Variants in TMED5 observed in about 807,000 individuals in gnomAD.
TMED5 encodes the protein transmembrane p24 trafficking protein 5, also known as transmembrane emp24 domain-containing protein 5.
A neutral mutation model predicts 23.0 loss-of-function variants in TMED5; 27 were observed. That is an observed-to-expected ratio of 1.17 (90% CI 0.86 to 1.62). TMED5 has a LOEUF of 1.62. Among genes scored for constraint, TMED5 ranks in the 40% most tolerant of loss-of-function variants. The probability of loss-of-function intolerance (pLI) is 0.00; values close to 1 mark genes in which losing one functional copy is unlikely to be tolerated. For missense variants in TMED5, 248 were observed against 273.7 expected (o/e 0.91, Z 0.66); for synonymous variants, 97 against 100.8 (o/e 0.96, Z 0.23).
At chr1:93,160,051 T>C (rs2101133251) in intron 2 of TMED5, 78 bp downstream of exon 2, 1 of 785,070 alleles carries the variant, frequency 1.3e-6, no homozygotes, top group Non-Finnish European at 2.2e-6. Flanking sequence ...TAGTATCAAA[T>C]GTGCTAACTT....
At chr1:93,170,002 A>G (rs532371197) in intron 1 of TMED5, among the ~76,000 whole-genome samples, 196 of 152,198 alleles carry the variant, frequency 1.3e-3, no homozygotes, top group Non-Finnish European at 2.0e-3. Context: ...CAGAAGTTCA[A>G]GGCTGCTGTG....
Position 93,160,167 on chromosome 1 carries a change from G to A in TMED5, c.249C>T (p.Thr83=), listed in dbSNP as rs776669823. The A allele has an allele frequency of 4.3e-5, 69 of 1,613,052 alleles. No homozygotes were observed. The highest frequency in any genetic ancestry group is 2.7e-5 in the African/African-American group (2 of 74,868). Residue 83 remains threonine, a synonymous_variant, in exon 2 of 4, where the codon ACC becomes ACT. Coordinates refer to ENST00000370282, the MANE Select transcript of TMED5 (RefSeq NM_016040.5). ...CTGATTTTCTTTGTTCAAAAACTAA[G>A]GTTTTGCCTTCTGGAGAGGCAAGAT... ...DFHLASPEGK[T]LVFEQRKSDG...
intron 2 of TMED5, among the ~76,000 whole-genome samples, chr1:93,159,251 A>G (rs78978944): frequency 1.4e-3 from 219 of 152,296 alleles, no homozygotes; most frequent in African/African-American, 5.1e-3. Flanking sequence ...TCCACCCTGC[A>G]TGTGTATCCC....
intron 1 of TMED5, among the ~76,000 whole-genome samples, chr1:93,176,744 T>C (rs1002289118): frequency 2.6e-5 from 4 of 152,188 alleles, no homozygotes; most frequent in Non-Finnish European, 5.9e-5. Flanking sequence ...TTGTCCAGGC[T>C]GGTGTGAAAC....
intron 1 of TMED5, among the ~76,000 whole-genome samples, chr1:93,170,367 G>A (rs1432050838): frequency 6.6e-6 from 1 of 152,196 alleles, no homozygotes; most frequent in Non-Finnish European, 1.5e-5. Context: ...GGGAGCGGCC[G>A]GCCGGCCTGC....
Position 93,156,347 on chromosome 1 carries a change from A to G in TMED5, c.424T>C (p.Tyr142His). 6.2e-7 allele frequency: 1 copy of G among 1,613,942 alleles called. No homozygotes were observed. Among genetic ancestry groups the G allele is most frequent in the Non-Finnish European group, 8.5e-7 (1 of 1,179,912 alleles). Reference protein sequence around the residue: ...QAQEQEDWKKYITGTDILDMK... With the variant: ...QAQEQEDWKKHITGTDILDMK... ...TCCAATATATCTGTGCCAGTAATAT[A>G]TTTCTTCCAATCTTCTTGTTCTTGT... The change falls in exon 3 of 4, where the codon TAT becomes CAT. Residue 142 changes from tyrosine to histidine, a missense_variant. Physicochemically the swap from Tyr to His is moderately conservative, Grantham distance 83 (BLOSUM62 2). Coordinates refer to ENST00000370282, the MANE Select transcript of TMED5 (RefSeq NM_016040.5).
intron 1 of TMED5, among the ~76,000 whole-genome samples, chr1:93,169,649 T>G (rs1571280469): frequency 6.8e-6 from 1 of 146,106 alleles, no homozygotes; most frequent in Non-Finnish European, 1.5e-5. Flanking sequence ...TCAATAAAAC[T>G]AACAAACCTC....
In TMED5 at chr1:93,156,339, A is replaced by G; in HGVS notation, c.432T>C (p.Thr144=). The change falls in exon 3 of 4, where the codon ACT becomes ACC. Residue 144 remains threonine (T), a synonymous_variant. Coordinates refer to ENST00000370282, the MANE Select transcript of TMED5 (RefSeq NM_016040.5). ...QEQEDWKKYI[T]GTDILDMKLE... is the part of the protein sequence containing the mutation. ...GTTTCATATCCAATATATCTGTGCC[A>G]GTAATATATTTCTTCCAATCTTCTT... The G allele has an allele frequency of 6.2e-7, 1 of 1,613,940 alleles. No homozygotes were observed.
At chr1:93,175,108 AAATAT>A (rs1648859296) in intron 1 of TMED5, among the ~76,000 whole-genome samples, 1 of 145,118 alleles carries the variant, frequency 6.9e-6, no homozygotes, top group African/African-American at 2.6e-5. Context: ...TTAAATTATT[AAATAT>A]ATTATTCTCC....
chr1:93,164,865 TTGCTTTCATA>T (rs1648434528), intron 1 of TMED5, among the ~76,000 whole-genome samples: 1 of 152,224 alleles, frequency 6.6e-6, no homozygotes, highest in African/African-American at 2.4e-5. Flanking sequence ...TGATGGGATG[TTGCTTTCATA>T]ATCAGGTTAC....
chr1:93,173,734 C>T (rs548616646), intron 1 of TMED5, among the ~76,000 whole-genome samples: 42 of 152,208 alleles, frequency 2.8e-4, no homozygotes, highest in Non-Finnish European at 4.4e-4. Context: ...ATTCAGACTT[C>T]CAGTTATATG....
intron 1 of TMED5, chr1:93,161,091 A>C (rs1039253269): frequency 1.3e-5 from 2 of 152,180 alleles, no homozygotes; most frequent in African/African-American, 4.8e-5. Flanking sequence ...ATGTCCTTCT[A>C]TGAAGATGAT....
chr1:93,158,834 GGGATTATA>G, intron 2 of TMED5: 2 of 749,090 alleles, frequency 2.7e-6, no homozygotes, highest in Non-Finnish European at 3.3e-6. Context: ...GGAAAGTGCT[GGGATTATA>G]GGCGTGAACC....
At chr1:93,175,369 T>A (rs1464272351) in intron 1 of TMED5, among the ~76,000 whole-genome samples, 8 of 147,012 alleles carry the variant, frequency 5.4e-5, no homozygotes, top group East Asian at 1.9e-4. Flanking sequence ...TTTGTTTTTT[T>A]ATATACATAT....
rs148923682 is a variant in TMED5, at chr1:93,166,723, G to A, written c.190-6497C>T. On this transcript the variant is annotated intron_variant, in intron 1 of 3. Transcript: ENST00000370282. ...TCTCATTCTTGGGTTGGCTCTTCCCGTTGTTAACTGTTTCCTTTGCTGAGC... is the reference window on the plus strand; with the variant it reads ...TCTCATTCTTGGGTTGGCTCTTCCCATTGTTAACTGTTTCCTTTGCTGAGC... Among the ~76,000 whole-genome samples the A allele has an allele frequency of 5.9e-5, 9 of 152,044 alleles. No individual in the cohort carries two copies. The South Asian group carries it at 6.2e-4, about 11-fold the overall frequency.
rs763914442 is a variant in TMED5 at position 93,154,806 on chromosome 1, C to T, written c.554G>A (p.Arg185Gln). 25 of 1,613,934 alleles carry T rather than the reference C, an allele frequency of 1.5e-5. No homozygotes were observed. The highest frequency in any genetic ancestry group is 3.3e-5 in the Admixed American group (2 of 60,000). The change falls in exon 4 of 4, where the codon CGA becomes CAA. Residue 185 changes from arginine to glutamine, a missense_variant. Coordinates refer to ENST00000370282, the MANE Select transcript of TMED5 (RefSeq NM_016040.5). The part of the protein sequence containing the change: ...TLLRAFEARD[R>Q]NIQESNFDRV... ...ATCAAAGTTGCTTTCTTGTATGTTT[C>T]GATCACGAGCTTCAAATGCTCTAAG...
intron 1 of TMED5, among the ~76,000 whole-genome samples, chr1:93,175,873 T>C (rs1648894715): frequency 6.6e-6 from 1 of 152,210 alleles, no homozygotes; most frequent in Non-Finnish European, 1.5e-5. Flanking sequence ...GTTTATTTTC[T>C]AGCTAACATT....
At chr1:93,169,365 G>A (rs2101152444) in intron 1 of TMED5, among the ~76,000 whole-genome samples, 1 of 152,218 alleles carries the variant, frequency 6.6e-6, no homozygotes, top group South Asian at 2.1e-4. Context: ...TAACTTCAAT[G>A]AAATGAAAAT....
chr1:93,163,744 G>A (rs1209473777), intron 1 of TMED5, among the ~76,000 whole-genome samples: 2 of 151,744 alleles, frequency 1.3e-5, no homozygotes, highest in Non-Finnish European at 2.9e-5. Context: ...GGGAGGCTGA[G>A]GTGGGTGGAT....
Sources: allele counts gnomAD v4.1 joint callset (sites outside exome capture counted in the v4.1 genomes callset), GRCh38; gene constraint gnomAD v4.1.1; transcripts MANE v1.5; gene names NCBI Gene and HGNC (gene_info 2026-07-23, HGNC 2026-07-21).